Variants in DNMT3A observed in about 807,000 individuals in gnomAD.
DNMT3A encodes DNA methyltransferase 3 alpha.
A neutral mutation model predicts 117.6 loss-of-function variants in DNMT3A; 267 were observed. The observed-to-expected ratio is 2.27, with a 90% CI of 2.05 to 2.51. DNMT3A has a LOEUF of 2.51. DNMT3A is among the 30% of genes most tolerant of loss of function. The pLI is 0.00. For missense variants in DNMT3A, 1,029 were observed against 1,260.2 expected (o/e 0.82, Z 2.78); for synonymous variants, 432 against 474.8 (o/e 0.91, Z 1.17).
intron 1 of DNMT3A, among the ~76,000 whole-genome samples, chr2:25,332,329 CTCAAGCG>C (rs1170757151): frequency 1.3e-5 from 2 of 152,350 alleles, no homozygotes; most frequent in African/African-American, 4.8e-5. Context: ...CGAGACTCAG[CTCAAGCG>C]TCACCTCCTT....
At position 25,338,657 on chromosome 2, in the gene DNMT3A, CCT is replaced by C. The variant is rs565230222; in HGVS notation, c.-178+3167_-178+3168del. ...AATGGGGACCCAGGGAGGCAAGGCC[CCT>C]GTTTCCTGGAGATCACAAACTGAGA... is the stretch of plus-strand genomic sequence containing the variant. On this transcript the variant is annotated intron_variant, in intron 1 of 22. Transcript: ENST00000321117. Among the ~76,000 whole-genome samples, 46 of 152,312 alleles carry C rather than the reference CCT, an allele frequency of 3.0e-4. No individual in the cohort carries two copies. In the East Asian group the frequency reaches 5.0e-3, roughly 17 times the overall value.
At position 25,330,681 on chromosome 2, in the gene DNMT3A, C is replaced by G. The variant is rs75541104; in HGVS notation, c.-178+11145G>C. Among the ~76,000 whole-genome samples the G allele has an allele frequency of 1.2e-3, 179 of 152,330 alleles. 7 individuals are homozygous for G. In the East Asian group the frequency reaches 0.034, roughly 29 times the overall value. Reference sequence around the variant, plus strand: ...AGGGCTCTGTGCCCCTATCCCCTGGCACACTGAGCCAGCTACAGGGCAAGG... The same window carrying G: ...AGGGCTCTGTGCCCCTATCCCCTGGGACACTGAGCCAGCTACAGGGCAAGG... On this transcript the variant is annotated intron_variant, in intron 1 of 22. Transcript: ENST00000321117.
chr2:25,270,973 G>C (rs565844218), intron 6 of DNMT3A, among the ~76,000 whole-genome samples: 1 of 150,670 alleles, frequency 6.6e-6, no homozygotes, highest in African/African-American at 2.4e-5. Context: ...GCAGTGAGCT[G>C]AGATTGTGCC....
In DNMT3A at chr2:25,237,677, AT is replaced by A; in HGVS notation, c.2409-673del. On this transcript the variant is annotated intron_variant, in intron 20 of 22. Transcript: ENST00000321117. This position sits in a 1 kb window ranked among gnomAD's most constrained non-coding sequence, Gnocchi z 5.4. ...CTACTCGGGAGGCTGAGGCAGGAGAATCGCTTGAACCTGGGAGGCGGAGGCT... is the reference window on the plus strand; with the variant it reads ...CTACTCGGGAGGCTGAGGCAGGAGAACGCTTGAACCTGGGAGGCGGAGGCT... Among the ~76,000 whole-genome samples, 1 of 152,012 alleles carries A rather than the reference AT, an allele frequency of 6.6e-6. No homozygotes were observed. The highest frequency in any genetic ancestry group is 2.1e-4 in the South Asian group (1 of 4,824).
intron 6 of DNMT3A, 146 bp downstream of exon 6, chr2:25,274,795 G>A (rs1210472230): frequency 4.2e-6 from 5 of 1,195,370 alleles, no homozygotes; most frequent in Non-Finnish European, 5.7e-6. Flanking sequence ...TCTGCTGAAG[G>A]AGCAGATGAA....
chr2:25,240,381 T>TC lies in DNMT3A; in HGVS notation c.2242dup (p.Asp748GlyfsTer9). The TC allele has an allele frequency of 6.2e-7, 1 of 1,614,070 alleles. No homozygotes were observed. The highest frequency in any genetic ancestry group is 8.5e-7 in the Non-Finnish European group (1 of 1,179,980). On this transcript the variant is annotated frameshift_variant, in exon 19 of 23. Transcript: ENST00000321117. LOFTEE classifies it high-confidence loss of function. ...CTCAAAGAGCCAGAAGAAGGGGCGA[T>TC]CATCTCCCTCCTTGGGCCGCGCATC... is the stretch of plus-strand genomic sequence containing the variant.
At position 25,237,118 on chromosome 2, in the gene DNMT3A, C is replaced by G; in HGVS notation, c.2409-113G>C. 1 of 1,022,402 alleles carries G rather than the reference C, an allele frequency of 9.8e-7. No homozygotes were observed. Among genetic ancestry groups the G allele is most frequent in the Non-Finnish European group, 1.5e-6 (1 of 689,332 alleles). The allele number at this position is 1,022,402 out of a possible 1,614,324, so 63.3% of individuals were successfully genotyped here. A position where few individuals can be genotyped will look rare whatever the true frequency, so the allele number is the denominator to read the frequency against. The stretch of plus-strand genomic sequence containing the variant: ...CAGCCACTAGTTCACAGGGTAAGAG[C>G]CCCTTCCCCAAATCACGCACACACG... On this transcript the variant is annotated intron_variant, in intron 20 of 22. Coordinates refer to ENST00000321117, the MANE Select transcript of DNMT3A (RefSeq NM_022552.5). The surrounding 1 kb of genome is among the most constrained non-coding windows in gnomAD (Gnocchi z 5.4).
chr2:25,249,834 A>G, intron 6 of DNMT3A: 1 of 1,283,384 alleles, frequency 7.8e-7, no homozygotes, highest in Non-Finnish European at 1.1e-6. Flanking sequence ...CATTTCCACC[A>G]TACCAGATTT....
At chr2:25,238,190 T>C (rs772423123) in intron 20 of DNMT3A, among the ~76,000 whole-genome samples, 3 of 152,004 alleles carry the variant, frequency 2.0e-5, no homozygotes. Context: ...CATTTCCCAA[T>C]ATGCACATGT....
Position 25,252,048 on chromosome 2 carries a change from C to A in DNMT3A, c.640-3796G>T. 9.2e-7 allele frequency: 1 copy of A among 1,087,506 alleles called. No individual in the cohort carries two copies. Among genetic ancestry groups the A allele is most frequent in the Non-Finnish European group, 1.3e-6 (1 of 778,234 alleles). The allele number at this position is 1,087,506 out of a possible 1,614,324, so 67.4% of individuals were successfully genotyped here. ...CAGCACTAAGTCAGCATCTCCAGAACTCGGGCCAGGCCGGGACGCCGCGGC... is the reference window on the plus strand; with the variant it reads ...CAGCACTAAGTCAGCATCTCCAGAAATCGGGCCAGGCCGGGACGCCGCGGC... On this transcript the variant is annotated intron_variant, in intron 6 of 22. Transcript: ENST00000321117. This position sits in a 1 kb window ranked among gnomAD's most constrained non-coding sequence, Gnocchi z 5.5.
chr2:25,283,344 G>C (rs1047328222), intron 3 of DNMT3A, among the ~76,000 whole-genome samples: 3 of 134,660 alleles, frequency 2.2e-5, no homozygotes, highest in African/African-American at 5.7e-5. Flanking sequence ...CCTTGCGACA[G>C]AGCAAGACTC....
Position 25,296,029 on chromosome 2 carries a change from T to C in DNMT3A, c.177+4110A>G, listed in dbSNP as rs1033734206. Among the ~76,000 whole-genome samples the C allele has an allele frequency of 6.6e-6, 1 of 152,180 alleles. No homozygotes were observed. Among genetic ancestry groups the C allele is most frequent in the Non-Finnish European group, 1.5e-5 (1 of 68,040 alleles). Reference sequence around the variant, plus strand: ...AATGATACGGTTGTAAAATATAAAATCACAGCACGTGGATGTGGCAACATT... The same window carrying C: ...AATGATACGGTTGTAAAATATAAAACCACAGCACGTGGATGTGGCAACATT... On this transcript the variant is annotated intron_variant, in intron 3 of 22. Transcript: ENST00000321117. The surrounding 1 kb of genome is among the most constrained non-coding windows in gnomAD (Gnocchi z 4.2).
rs368855078 is a variant in DNMT3A, at chr2:25,248,477, T to C, written c.640-225A>G. On this transcript the variant is annotated intron_variant, in intron 6 of 22. Coordinates refer to ENST00000321117, the MANE Select transcript of DNMT3A (RefSeq NM_022552.5). ...CTTCTTTTCTGCCTTTTAGGAAACCTTCCTCCCAGATCTAATCTTCCTCAA... is the reference window on the plus strand; with the variant it reads ...CTTCTTTTCTGCCTTTTAGGAAACCCTCCTCCCAGATCTAATCTTCCTCAA... Among the ~76,000 whole-genome samples the C allele has an allele frequency of 6.6e-5, 10 of 152,196 alleles. No individual in the cohort carries two copies. The East Asian group carries it at 1.5e-3, about 23-fold the overall frequency.
chr2:25,264,620 G>A (rs2030108246), intron 6 of DNMT3A, among the ~76,000 whole-genome samples: 2 of 151,672 alleles, frequency 1.3e-5, no homozygotes, highest in Admixed American at 6.6e-5. Context: ...CTGCCACCAC[G>A]CCCGGCTAAT....
Position 25,294,990 on chromosome 2 carries a change from T to C in DNMT3A, c.177+5149A>G, listed in dbSNP as rs1422163743. Among the ~76,000 whole-genome samples the C allele has an allele frequency of 1.3e-5, 2 of 152,096 alleles. No individual in the cohort carries two copies. The highest frequency in any genetic ancestry group is 1.3e-4 in the Admixed American group (2 of 15,278). On this transcript the variant is annotated intron_variant, in intron 3 of 22. Coordinates refer to ENST00000321117, the MANE Select transcript of DNMT3A (RefSeq NM_022552.5). The surrounding 1 kb of genome is among the most constrained non-coding windows in gnomAD (Gnocchi z 4.7). ...GAAGTTGGTGGGTATAAATCGTCAA[T>C]GAATAAATACGCATCGCTAGTAAAT...
In DNMT3A at chr2:25,334,724, G is replaced by C. The variant is rs140441673; in HGVS notation, c.-178+7102C>G. Among the ~76,000 whole-genome samples, 290 of 152,338 alleles carry C rather than the reference G, an allele frequency of 1.9e-3. 5 individuals carry two copies. The South Asian group carries it at 0.037, about 19-fold the overall frequency. On this transcript the variant is annotated intron_variant, in intron 1 of 22. Coordinates refer to ENST00000321117, the MANE Select transcript of DNMT3A (RefSeq NM_022552.5). Reference sequence around the variant, plus strand: ...TCTCACCTAATCCCTACCAGCCTAGGCCTTTGCTCAGAGGCCTTAATATCT... The same window carrying C: ...TCTCACCTAATCCCTACCAGCCTAGCCCTTTGCTCAGAGGCCTTAATATCT...
At chr2:25,287,286 G>A (rs1003722522) in intron 3 of DNMT3A, among the ~76,000 whole-genome samples, 38 of 152,148 alleles carry the variant, frequency 2.5e-4, no homozygotes, top group African/African-American at 8.7e-4. Context: ...GGGAAAAGCC[G>A]CAGTAACTAC....
chr2:25,262,199 A>AG (rs1299392111), intron 6 of DNMT3A, among the ~76,000 whole-genome samples: 1 of 151,432 alleles, frequency 6.6e-6, no homozygotes, highest in African/African-American at 2.4e-5. Context: ...AAAAAAAAAA[A>AG]AAAAAAAAAC....
At chr2:25,283,847 ACCT>A (rs955141423) in intron 3 of DNMT3A, among the ~76,000 whole-genome samples, 2 of 151,968 alleles carry the variant, frequency 1.3e-5, no homozygotes, top group African/African-American at 4.8e-5. Context: ...CTCACTTACT[ACCT>A]CCTCAGAGTT....
Sources: allele counts gnomAD v4.1 joint callset (sites outside exome capture counted in the v4.1 genomes callset), GRCh38; gene constraint gnomAD v4.1.1; non-coding constraint Gnocchi (gnomAD v3.1); transcripts MANE v1.5; gene names NCBI Gene and HGNC (gene_info 2026-07-23, HGNC 2026-07-21).